LAMA3: variants seen among roughly 807,000 people sequenced by gnomAD.
LAMA3 encodes laminin subunit alpha 3.
Under a neutral mutation model 402.0 loss-of-function variants are expected in LAMA3, and 281 were observed. The observed-to-expected ratio is 0.70, with a 90% CI of 0.63 to 0.77. LAMA3 has a LOEUF of 0.77. Ranked by LOEUF, LAMA3 falls within the 30% of genes least tolerant of loss-of-function variation. The pLI is 0.00. For missense variants in LAMA3, 3,840 were observed against 4,215.5 expected, an observed-to-expected ratio of 0.91 and a Z score of 2.47; for synonymous variants, 1,431 against 1,558.4, an observed-to-expected ratio of 0.92 and a Z score of 1.93.
At chr18:23,762,546 G>C (rs1209092477) in intron 7 of LAMA3, among the ~76,000 whole-genome samples, 2 of 151,242 alleles carry the variant, frequency 1.3e-5, no homozygotes, top group Non-Finnish European at 2.9e-5. Flanking sequence ...TCGAGATCGT[G>C]CCACTGCACT....
At chr18:23,788,901 TA>T (rs2062598622) in intron 12 of LAMA3, among the ~76,000 whole-genome samples, 1 of 151,380 alleles carries the variant, frequency 6.6e-6, no homozygotes, top group African/African-American at 2.4e-5. Flanking sequence ...TACACACATA[TA>T]TATAATATAT....
intron 31 of LAMA3, 139 bp downstream of exon 31, chr18:23,846,647 CT>C: frequency 1.2e-6 from 1 of 860,892 alleles, no homozygotes; most frequent in Non-Finnish European, 1.9e-6. Context: ...ATTCAGGAGA[CT>C]GGGCTGGAGC....
chr18:23,811,836 A>G (rs769660245), intron 13 of LAMA3, among the ~76,000 whole-genome samples: 1 of 151,950 alleles, frequency 6.6e-6, no homozygotes. Flanking sequence ...GGGCAACATA[A>G]TGAGATCCTG....
At position 23,837,035 on chromosome 18, in the gene LAMA3, G is replaced by A; in HGVS notation, c.3039G>A (p.Glu1013=). Residue 1013 remains glutamate (E), a synonymous_variant, in exon 25 of 75, where the codon GAG becomes GAA. Coordinates refer to ENST00000313654, the MANE Select transcript of LAMA3 (RefSeq NM_198129.4). The stretch of plus-strand genomic sequence containing the variant: ...ACATGAGCCGCATCGCCATGTATGA[G>A]CTATTGGCAGATGCAGACATTCAGC... The part of the protein sequence containing the change: ...IDHMSRIAMY[E]LLADADIQLK... 1 of 1,614,028 alleles carries A rather than the reference G, an allele frequency of 6.2e-7. No homozygotes were observed. Among genetic ancestry groups the A allele is most frequent in the South Asian group, 1.1e-5 (1 of 91,070 alleles).
At chr18:23,902,380 T>G (rs185491324) in intron 48 of LAMA3, among the ~76,000 whole-genome samples, 93 of 152,210 alleles carry the variant, frequency 6.1e-4, no homozygotes, top group African/African-American at 2.1e-3. Flanking sequence ...TTTATAGGGT[T>G]ACAAAACAAC....
rs114413347 is a variant in LAMA3, at chr18:23,926,312, T to C, written c.8178-1811T>C. Among the ~76,000 whole-genome samples the C allele has an allele frequency of 5.6e-3, 855 of 152,354 alleles. 6 individuals are homozygous for C. Among genetic ancestry groups the C allele is most frequent in the African/African-American group, 0.02 (819 of 41,576 alleles). ...TATTTTCCTTTTCTGCAACCTTCTT[T>C]CTTTGACCAATAATCTATGGAGAGA... On this transcript the variant is annotated intron_variant, in intron 62 of 74. Coordinates refer to ENST00000313654, the MANE Select transcript of LAMA3 (RefSeq NM_198129.4).
At position 23,894,939 on chromosome 18, in the gene LAMA3, G is replaced by A. The variant is rs749117767; in HGVS notation, c.5494G>A (p.Asp1832Asn). ...CDSCVMTLLN[D>N]LATMGEQLRL... The stretch of plus-strand genomic sequence containing the variant: ...CAGCTGTGTGATGACCCTCCTGAAC[G>A]ACCTGGCCACCATGGGCGAGCAGCT... Residue 1832 changes from aspartate to asparagine, a missense_variant, in exon 44 of 75, where the codon GAC becomes AAC. By Grantham distance (23) the Asp-to-Asn change is conservative. Coordinates refer to ENST00000313654, the MANE Select transcript of LAMA3 (RefSeq NM_198129.4). The A allele has an allele frequency of 1.7e-5, 28 of 1,614,054 alleles. No individual in the cohort carries two copies. In the Admixed American group the frequency reaches 3.7e-4, roughly 21 times the overall value.
intron 8 of LAMA3, among the ~76,000 whole-genome samples, 159 bp downstream of exon 8, chr18:23,763,682 T>C (rs2062020840): frequency 6.6e-6 from 1 of 152,202 alleles, no homozygotes; most frequent in African/African-American, 2.4e-5. Flanking sequence ...GTTAGCTGGA[T>C]GTAATTTAGG....
intron 1 of LAMA3, among the ~76,000 whole-genome samples, chr18:23,702,879 C>T (rs1382959999): frequency 1.3e-5 from 2 of 152,216 alleles, no homozygotes; most frequent in Non-Finnish European, 2.9e-5. Context: ...AGACCAATTG[C>T]TCCACCTCTT....
At chr18:23,695,796 CAAAAAAAAAAAAAAAAAAAAAAA>C (rs58873998) in intron 1 of LAMA3, among the ~76,000 whole-genome samples, 4 of 38,640 alleles carry the variant, frequency 1.0e-4, no homozygotes, top group Admixed American at 1.2e-3. Flanking sequence ...GACTCCATCT[CAAAAAAAAAAAAAAAAAAAAAAA>C]AAAAAAAAAA....
At chr18:23,745,606 A>G (rs975595433) in intron 2 of LAMA3, among the ~76,000 whole-genome samples, 1 of 152,158 alleles carries the variant, frequency 6.6e-6, no homozygotes. Flanking sequence ...TATACCTGCA[A>G]GGTGTGGGTT....
rs374889478 is a variant in LAMA3, at chr18:23,921,085, G to A, written c.8043+31G>A. 6.2e-6 allele frequency: 10 copies of A among 1,611,308 alleles called. No homozygotes were observed. The African/African-American group carries it at 6.7e-5, about 11-fold the overall frequency. The stretch of plus-strand genomic sequence containing the variant: ...CCTTTTGAGTCTGTTTACTTGAATC[G>A]TTAAATGTCCTTAGTCCTTTAAAAT... On this transcript the variant is annotated intron_variant, in intron 61 of 74. Transcript: ENST00000313654.
At chr18:23,813,785 A>T (rs1598844808) in intron 14 of LAMA3, among the ~76,000 whole-genome samples, 4 of 151,874 alleles carry the variant, frequency 2.6e-5, no homozygotes, top group Admixed American at 2.0e-4. Flanking sequence ...CAGGTGATCC[A>T]CCTGCCTCAG....
At chr18:23,692,427 A>G (rs901526187) in intron 1 of LAMA3, among the ~76,000 whole-genome samples, 1 of 152,040 alleles carries the variant, frequency 6.6e-6, no homozygotes, top group African/African-American at 2.4e-5. Context: ...GCCTGCCACC[A>G]CGCCCAGCTA....
chr18:23,692,313 C>T (rs948738533), intron 1 of LAMA3, among the ~76,000 whole-genome samples: 3 of 152,212 alleles, frequency 2.0e-5, no homozygotes, highest in Non-Finnish European at 2.9e-5. Flanking sequence ...CTCGTCTCTC[C>T]CAGGTTGGAG....
intron 21 of LAMA3, among the ~76,000 whole-genome samples, chr18:23,826,276 T>A (rs2063380295): frequency 6.6e-6 from 1 of 152,238 alleles, no homozygotes; most frequent in Non-Finnish European, 1.5e-5. Context: ...CACAAGGCAT[T>A]GCTTTTTATA....
At chr18:23,750,864 T>G in intron 4 of LAMA3, 54 bp from the exon 5 acceptor site, 1 of 1,600,934 alleles carries the variant, frequency 6.2e-7, no homozygotes, top group East Asian at 2.2e-5. Context: ...TACTTGCTGC[T>G]AAATTTTGAT....
intron 38 of LAMA3, among the ~76,000 whole-genome samples, chr18:23,874,594 A>G (rs1349848116): frequency 2.0e-5 from 3 of 152,194 alleles, no homozygotes. Flanking sequence ...CCACTCCCGG[A>G]GCACATGAGG....
Position 23,884,836 on chromosome 18 carries a change from A to G in LAMA3, c.5286A>G (p.Thr1762=). 6.2e-7 allele frequency: 1 copy of G among 1,612,438 alleles called. No homozygotes were observed. The highest frequency in any genetic ancestry group is 8.5e-7 in the Non-Finnish European group (1 of 1,179,220). ...GGTGCTCCTGCAAAGCTGGGTACAC[A>G]GGAACACAGTGTGAAAGGTAAGGTG... ...DVRCSCKAGY[T]GTQCERCAPG... The change falls in exon 41 of 75, where the codon ACA becomes ACG. Residue 1762 remains threonine (T), a synonymous_variant. Transcript: ENST00000313654.
Sources: gnomAD v4.1 joint callset for allele counts (sites outside exome capture counted in the v4.1 genomes callset) on GRCh38, gnomAD v4.1.1 for gene constraint, MANE v1.5 for transcripts, NCBI Gene and HGNC (gene_info 2026-07-23, HGNC 2026-07-21) for gene names.